RAB11FIP3: variants seen among roughly 807,000 people sequenced by gnomAD.
RAB11FIP3 encodes the protein rab11 family-interacting protein 3.
A neutral mutation model predicts 77.8 loss-of-function variants in RAB11FIP3; 17 were observed. The observed-to-expected ratio is 0.22, with a 90% CI of 0.15 to 0.33. The LOEUF is 0.33. RAB11FIP3 is among the 10% of genes least tolerant of loss of function. The pLI is 1.00. For synonymous variants in RAB11FIP3, 437 were observed against 448.2 expected, an observed-to-expected ratio of 0.98 and a Z score of 0.31; for missense variants, 1,005 against 1,011.2, an observed-to-expected ratio of 0.99 and a Z score of 0.08.
chr16:450,257 C>T (rs2141611056), intron 1 of RAB11FIP3, among the ~76,000 whole-genome samples: 1 of 152,270 alleles, frequency 6.6e-6, no homozygotes, highest in East Asian at 1.9e-4. Flanking sequence ...GCAACCTCTG[C>T]CTCCCGGGCT....
intron 1 of RAB11FIP3, among the ~76,000 whole-genome samples, chr16:454,249 A>G (rs1169358554): frequency 6.6e-6 from 1 of 152,144 alleles, no homozygotes. Context: ...GTTGCTTGCT[A>G]TAGTAGTTGG....
In RAB11FIP3 at chr16:426,258, C is replaced by A; in HGVS notation, c.252C>A (p.Asp84Glu). ...PAPGLEGGPR[D>E]PGPSAPPPRS... is the part of the protein sequence containing the mutation. ...CGGGGCTGGAGGGAGGCCCGCGAGACCCCGGGCCGTCCGCCCCGCCGCCGC... is the reference window on the plus strand; with the variant it reads ...CGGGGCTGGAGGGAGGCCCGCGAGAACCCGGGCCGTCCGCCCCGCCGCCGC... The change falls in exon 1 of 14, where the codon GAC (aspartate) becomes GAA (glutamate). Residue 84 changes from aspartate (D) to glutamate (E), a missense_variant. Coordinates refer to ENST00000262305, the MANE Select transcript of RAB11FIP3 (RefSeq NM_014700.4). The surrounding 1 kb of genome is among the most constrained non-coding windows in gnomAD (Gnocchi z 5.0). 1 of 1,163,804 alleles carries A rather than the reference C, an allele frequency of 8.6e-7. No homozygotes were observed. The allele number at this position is 1,163,804 out of a possible 1,614,324, so 72.1% of individuals were successfully genotyped here. A position where few individuals can be genotyped will look rare whatever the true frequency, so the allele number is the denominator to read the frequency against.
intron 1 of RAB11FIP3, among the ~76,000 whole-genome samples, chr16:428,031 G>A (rs2054979555): frequency 6.6e-6 from 1 of 151,986 alleles, no homozygotes; most frequent in African/African-American, 2.4e-5. Context: ...AACCCGGGAG[G>A]CGGAGCTTGC....
Position 518,410 on chromosome 16 carries a change from CAAAACCCAAAGTATATTA to C in RAB11FIP3, c.1641-528_1641-511del, listed in dbSNP as rs570285218. 1.7e-3 allele frequency among the ~76,000 whole-genome samples: 261 copies of C among 152,100 alleles called. 1 individual carries two copies. The highest frequency in any genetic ancestry group is 6.2e-3 in the African/African-American group (256 of 41,486). On this transcript the variant is annotated intron_variant, in intron 9 of 13. Coordinates refer to ENST00000262305, the MANE Select transcript of RAB11FIP3 (RefSeq NM_014700.4). Reference sequence around the variant, plus strand: ...CTTTTCTGTAAACCTAAAATTATTCCAAAACCCAAAGTATATTAAAAAAACCACCGTGGATGGCCGGCG... The same window carrying C: ...CTTTTCTGTAAACCTAAAATTATTCCAAAAAACCACCGTGGATGGCCGGCG...
At chr16:488,484 C>T (rs946177725) in intron 4 of RAB11FIP3, among the ~76,000 whole-genome samples, 24 of 152,096 alleles carry the variant, frequency 1.6e-4, no homozygotes, top group African/African-American at 5.1e-4. Context: ...TCACTGCTCA[C>T]TGCAGCCTTG....
At chr16:463,532 G>A (rs1362692240) in intron 2 of RAB11FIP3, among the ~76,000 whole-genome samples, 2 of 150,156 alleles carry the variant, frequency 1.3e-5, no homozygotes, top group African/African-American at 4.9e-5. Context: ...TCCGCCTCTC[G>A]GGTTCAAGCG....
At chr16:494,816 T>G in intron 5 of RAB11FIP3, among the ~76,000 whole-genome samples, 1 of 150,862 alleles carries the variant, frequency 6.6e-6, no homozygotes, top group African/African-American at 2.5e-5. Flanking sequence ...GGTGGGAGGA[T>G]CACATGAGCC....
intron 2 of RAB11FIP3, among the ~76,000 whole-genome samples, chr16:467,301 G>A (rs1303167033): frequency 2.0e-5 from 3 of 152,214 alleles, no homozygotes; most frequent in African/African-American, 7.2e-5. Context: ...CCAGCTCCAG[G>A]CTCCTGAAGA....
chr16:453,918 A>G (rs942307795), intron 1 of RAB11FIP3, among the ~76,000 whole-genome samples: 28 of 145,850 alleles, frequency 1.9e-4, no homozygotes, highest in Non-Finnish European at 3.9e-4. Flanking sequence ...TTGTACTTCA[A>G]ACAGAAAAAC....
intron 4 of RAB11FIP3, among the ~76,000 whole-genome samples, chr16:484,663 C>G (rs987950778): frequency 2.0e-5 from 3 of 152,154 alleles, no homozygotes; most frequent in Non-Finnish European, 4.4e-5. Flanking sequence ...GTATTCAGCC[C>G]TATTTTTGTG....
intron 1 of RAB11FIP3, among the ~76,000 whole-genome samples, chr16:447,069 C>G (rs1343043366): frequency 6.6e-6 from 1 of 151,310 alleles, no homozygotes; most frequent in Admixed American, 6.6e-5. Context: ...CTTTGAGAGG[C>G]TGAGGCAGGA....
At chr16:456,089 T>C (rs746829281) in intron 1 of RAB11FIP3, among the ~76,000 whole-genome samples, 5 of 151,304 alleles carry the variant, frequency 3.3e-5, no homozygotes, top group Admixed American at 6.6e-5. Flanking sequence ...CCCAGCACTT[T>C]GGGAGGCCAA....
In RAB11FIP3 at chr16:431,759, A is replaced by T. The variant is rs1056376889; in HGVS notation, c.714+5039A>T. Among the ~76,000 whole-genome samples, 32 of 139,354 alleles carry T rather than the reference A, an allele frequency of 2.3e-4. No homozygotes were observed. The South Asian group carries it at 4.3e-3, about 19-fold the overall frequency. 91.4% of individuals were successfully genotyped at this position (139,354 alleles called of 152,430 possible). ...GAGATCATATTGGGGTAGAAGCTAA[A>T]TTTTTTTTTTTTTTTGAGATGGAGT... On this transcript the variant is annotated intron_variant, in intron 1 of 13. Transcript: ENST00000262305.
chr16:467,972 G>C (rs2055737421), intron 2 of RAB11FIP3, among the ~76,000 whole-genome samples: 2 of 135,234 alleles, frequency 1.5e-5, no homozygotes, highest in African/African-American at 5.6e-5. Flanking sequence ...GGGCGTCAGG[G>C]AGGAGGTGCT....
At chr16:510,080 C>CAGGTGGAGCAG (rs2032061273) in intron 8 of RAB11FIP3, among the ~76,000 whole-genome samples, 1 of 137,874 alleles carries the variant, frequency 7.3e-6, no homozygotes. Context: ...GTGTAGTGGC[C>CAGGTGGAGCAG]CTGGCACCTC....
intron 4 of RAB11FIP3, among the ~76,000 whole-genome samples, chr16:488,279 T>G (rs9328925): frequency 1.3e-5 from 2 of 151,650 alleles, no homozygotes; most frequent in Non-Finnish European, 2.9e-5. Context: ...ACTCGGGAGG[T>G]GGAGGCAGGA....
At chr16:518,551 C>G (rs902426678) in intron 9 of RAB11FIP3, among the ~76,000 whole-genome samples, 1 of 150,314 alleles carries the variant, frequency 6.7e-6, no homozygotes, top group Non-Finnish European at 1.5e-5. Flanking sequence ...ATGGCGAAAC[C>G]CCCTCTCTAC....
At chr16:443,469 C>G (rs1275582781) in intron 1 of RAB11FIP3, among the ~76,000 whole-genome samples, 1 of 152,164 alleles carries the variant, frequency 6.6e-6, no homozygotes, top group Non-Finnish European at 1.5e-5. Context: ...TAAACAAAAC[C>G]AGAGTCATAA....
chr16:441,244 C>T (rs895013177), intron 1 of RAB11FIP3, among the ~76,000 whole-genome samples: 3 of 152,210 alleles, frequency 2.0e-5, no homozygotes, highest in African/African-American at 7.2e-5. Flanking sequence ...CGCGCCTGGC[C>T]CTATTTTTCT....
Sources: allele counts gnomAD v4.1 joint callset (sites outside exome capture counted in the v4.1 genomes callset), GRCh38; gene constraint gnomAD v4.1.1; non-coding constraint Gnocchi (gnomAD v3.1); transcripts MANE v1.5; gene names NCBI Gene and HGNC (gene_info 2026-07-23, HGNC 2026-07-21).